The following UNC13C variants were observed in gnomAD, a reference collection of about 807,000 sequenced individuals.
UNC13C encodes the protein protein unc-13 homolog C.
Under a neutral mutation model 245.4 loss-of-function variants are expected in UNC13C, and 174 were observed. The ratio of observed to expected loss-of-function variants is 0.71; its 90% CI spans 0.63 to 0.80. UNC13C has a LOEUF of 0.80. Among genes scored for constraint, UNC13C ranks in the 30% least tolerant of loss-of-function variants. The pLI, the probability that UNC13C is intolerant of heterozygous loss-of-function variation, is 0.00. For synonymous variants in UNC13C, 992 were observed against 895.1 expected (o/e 1.11, Z -1.93); for missense variants, 2,829 against 2,602.9 (o/e 1.09, Z -1.89).
chr15:54,236,219 G>A (rs2035695400), intron 5 of UNC13C, among the ~76,000 whole-genome samples: 2 of 152,028 alleles, frequency 1.3e-5, no homozygotes, highest in Admixed American at 6.6e-5. Context: ...TCATCTGAAG[G>A]CCACCACTTT....
rs1200050329 is a variant in UNC13C at position 54,297,901 on chromosome 15, A to G, written c.4079A>G (p.His1360Arg). Reference protein sequence around the residue: ...IKGEEKVAPYHIQYTCLHENL... With the variant: ...IKGEEKVAPYRIQYTCLHENL... The stretch of plus-strand genomic sequence containing the variant: ...GGAGAAGAGAAGGTTGCTCCATATC[A>G]TATTCAATATACATGTTTACATGAG... The change falls in exon 12 of 33, where the codon CAT becomes CGT. Residue 1360 changes from histidine to arginine, a missense_variant. Physicochemically the swap from His to Arg is conservative, Grantham distance 29. Coordinates refer to ENST00000260323, the MANE Select transcript of UNC13C (RefSeq NM_001080534.3). The G allele has an allele frequency of 3.1e-6, 5 of 1,599,488 alleles. No individual in the cohort carries two copies. The highest frequency in any genetic ancestry group is 2.6e-6 in the Non-Finnish European group (3 of 1,170,768).
At chr15:54,072,605 C>G (rs1047215276) in intron 2 of UNC13C, among the ~76,000 whole-genome samples, 2 of 152,054 alleles carry the variant, frequency 1.3e-5, no homozygotes, top group Non-Finnish European at 2.9e-5. Context: ...ACTACGTTTT[C>G]TTTTTTCATA....
intron 2 of UNC13C, among the ~76,000 whole-genome samples, chr15:54,138,879 T>G (rs1046513223): frequency 2.0e-5 from 3 of 151,106 alleles, no homozygotes; most frequent in Admixed American, 6.6e-5. Context: ...TTCTGGGAAT[T>G]GCTTGGCTTG....
At chr15:54,503,986 T>G (rs1894352233) in intron 22 of UNC13C, among the ~76,000 whole-genome samples, 1 of 152,162 alleles carries the variant, frequency 6.6e-6, no homozygotes, top group South Asian at 2.1e-4. Flanking sequence ...CAATTTATTC[T>G]TACTAAACAG....
At chr15:54,564,222 TCAAAAGA>T (rs1438506256) in intron 29 of UNC13C, among the ~76,000 whole-genome samples, 1 of 152,042 alleles carries the variant, frequency 6.6e-6, no homozygotes, top group Non-Finnish European at 1.5e-5. Context: ...TAAAATGCAC[TCAAAAGA>T]CAAAGACATT....
intron 1 of UNC13C, among the ~76,000 whole-genome samples, chr15:53,987,665 A>G (rs139397123): frequency 1.7e-4 from 26 of 152,104 alleles, no homozygotes; most frequent in Non-Finnish European, 2.9e-4. Flanking sequence ...CTGAAAGAAG[A>G]TGGGGCGGGA....
intron 4 of UNC13C, among the ~76,000 whole-genome samples, chr15:54,209,548 A>G (rs1172264751): frequency 6.6e-6 from 1 of 151,952 alleles, no homozygotes; most frequent in Non-Finnish European, 1.5e-5. Context: ...GAATAGCTGG[A>G]CTACAGGCAC....
intron 17 of UNC13C, among the ~76,000 whole-genome samples, chr15:54,367,618 A>C (rs2039393328): frequency 6.6e-6 from 1 of 152,150 alleles, no homozygotes; most frequent in Non-Finnish European, 1.5e-5. Context: ...AATATTTAAA[A>C]GTTTTTAGAC....
intron 4 of UNC13C, among the ~76,000 whole-genome samples, chr15:54,188,262 C>T: frequency 6.6e-6 from 1 of 152,084 alleles, no homozygotes; most frequent in East Asian, 1.9e-4. Flanking sequence ...TTAATTCCAA[C>T]AGCGTAAAAA....
chr15:53,843,855 C>A, the UNC13C span, among the ~76,000 whole-genome samples: 3 of 152,034 alleles, frequency 2.0e-5, no homozygotes, highest in African/African-American at 7.2e-5. Context: ...TTGAGAGGCT[C>A]TATTTCAGTG....
intron 2 of UNC13C, among the ~76,000 whole-genome samples, chr15:54,031,367 G>A (rs1024156209): frequency 2.0e-5 from 3 of 152,202 alleles, no homozygotes. Context: ...GGGACTACAG[G>A]CAGCCGCCAC....
rs1385093921 is a variant in UNC13C at position 54,013,685 on chromosome 15, C to T, written c.782C>T (p.Ser261Phe). The T allele has an allele frequency of 6.2e-7, 1 of 1,613,626 alleles. No individual in the cohort carries two copies. The highest frequency in any genetic ancestry group is 1.3e-5 in the African/African-American group (1 of 74,896). ...QGISQIETELSELRGHVNALK... is the reference protein window; with the variant it reads ...QGISQIETELFELRGHVNALK... ...ATAAGTCAGATTGAAACAGAACTTT[C>T]TGAACTACGAGGGCACGTCAATGCT... is the stretch of plus-strand genomic sequence containing the variant. The change falls in exon 2 of 33, where the codon TCT (serine) becomes TTT (phenylalanine). Residue 261 changes from serine (S) to phenylalanine (F), a missense_variant. Physicochemically the swap from Ser to Phe is radical, Grantham distance 155 (BLOSUM62 -2). Transcript: ENST00000260323.
At chr15:53,965,152 G>C in the UNC13C span, among the ~76,000 whole-genome samples, 2 of 152,082 alleles carry the variant, frequency 1.3e-5, no homozygotes, top group Non-Finnish European at 2.9e-5. Context: ...AAGACGATGT[G>C]AACTATGTTT....
chr15:54,332,126 ACTTG>A lies in UNC13C; in HGVS notation c.4494+17_4494+20del. On this transcript the variant is annotated intron_variant, in intron 15 of 32. Transcript: ENST00000260323. ...CAAAGTATAGGGTATGTACAAATTT[ACTTG>A]CCTAAAAGAAAACTGTTGTTTGGTC... The A allele has an allele frequency of 6.6e-7, 1 of 1,520,118 alleles. No individual in the cohort carries two copies. Among genetic ancestry groups the A allele is most frequent in the South Asian group, 1.3e-5 (1 of 78,174 alleles). 94.2% of individuals were successfully genotyped at this position (1,520,118 alleles called of 1,614,324 possible). A position where few individuals can be genotyped will look rare whatever the true frequency, so the allele number is the denominator to read the frequency against.
At chr15:54,547,245 T>C (rs1398023779) in intron 27 of UNC13C, among the ~76,000 whole-genome samples, 3 of 152,172 alleles carry the variant, frequency 2.0e-5, no homozygotes, top group Non-Finnish European at 4.4e-5. Flanking sequence ...TGGATTTTTT[T>C]TTCACCTTTC....
At chr15:53,889,996 A>T in the UNC13C span, among the ~76,000 whole-genome samples, 75 of 152,214 alleles carry the variant, frequency 4.9e-4, no homozygotes, top group African/African-American at 1.8e-3. Context: ...TTCATCAGGG[A>T]TATTGATCTG....
intron 19 of UNC13C, among the ~76,000 whole-genome samples, chr15:54,475,536 CTA>C (rs1892690467): frequency 6.6e-6 from 1 of 151,416 alleles, no homozygotes; most frequent in Admixed American, 6.6e-5. Flanking sequence ...CAATTCCCAT[CTA>C]TGAGTGAGAA....
At chr15:54,444,711 G>T (rs2140995757) in intron 19 of UNC13C, among the ~76,000 whole-genome samples, 1 of 151,804 alleles carries the variant, frequency 6.6e-6, no homozygotes, top group Non-Finnish European at 1.5e-5. Flanking sequence ...CTACCAGTGG[G>T]TTTTATCCTT....
chr15:54,618,026 T>A (rs1386050137), intron 30 of UNC13C, among the ~76,000 whole-genome samples: 1 of 152,152 alleles, frequency 6.6e-6, no homozygotes, highest in Non-Finnish European at 1.5e-5. Flanking sequence ...TTCTATATCA[T>A]GTTTCATATA....
Sources: allele counts gnomAD v4.1 joint callset (sites outside exome capture counted in the v4.1 genomes callset), GRCh38; gene constraint gnomAD v4.1.1; transcripts MANE v1.5; gene names NCBI Gene and HGNC (gene_info 2026-07-23, HGNC 2026-07-21).